FBXL17: variants seen among roughly 807,000 people sequenced by gnomAD.
FBXL17 encodes the protein F-box/LRR-repeat protein 17.
Under a neutral mutation model 66.2 loss-of-function variants are expected in FBXL17, and 22 were observed. That is an observed-to-expected ratio of 0.33 (90% CI 0.24 to 0.47). The LOEUF (loss-of-function observed/expected upper bound fraction) is 0.47, where lower values mean the gene tolerates loss of function less well. Among genes scored for constraint, FBXL17 ranks in the 20% least tolerant of loss-of-function variants. The pLI is 1.00. For missense variants in FBXL17, 878 were observed against 948.2 expected (o/e 0.93, Z 0.97); for synonymous variants, 474 against 400.5 (o/e 1.18, Z -2.19).
chr5:107,958,713 T>C (rs201207727), intron 7 of FBXL17, among the ~76,000 whole-genome samples: 2 of 152,200 alleles, frequency 1.3e-5, no homozygotes, highest in East Asian at 3.9e-4. Context: ...TTCCAGTCCC[T>C]GCCTTTTCCC....
chr5:108,060,862 T>C (rs1411591378), intron 6 of FBXL17, among the ~76,000 whole-genome samples: 1 of 152,098 alleles, frequency 6.6e-6, no homozygotes, highest in Non-Finnish European at 1.5e-5. Context: ...AAAGACGTTC[T>C]TAGTCCCCAT....
intron 4 of FBXL17, among the ~76,000 whole-genome samples, chr5:108,240,113 G>A (rs1030369290): frequency 1.3e-5 from 2 of 152,026 alleles, no homozygotes; most frequent in African/African-American, 2.4e-5. Flanking sequence ...CTGGCTTCAC[G>A]TGTGTCTCAG....
chr5:108,190,656 T>A (rs1753435108), intron 5 of FBXL17, among the ~76,000 whole-genome samples: 1 of 151,232 alleles, frequency 6.6e-6, no homozygotes, highest in Non-Finnish European at 1.5e-5. Flanking sequence ...GATAAAATGG[T>A]TTCACTGGTC....
chr5:108,128,559 T>C (rs751598593), intron 6 of FBXL17, among the ~76,000 whole-genome samples: 6 of 152,152 alleles, frequency 3.9e-5, no homozygotes, highest in African/African-American at 7.2e-5. Flanking sequence ...CTGGGGCACA[T>C]AGAAACTCTA....
At chr5:107,966,431 C>T (rs1752143484) in intron 7 of FBXL17, among the ~76,000 whole-genome samples, 1 of 141,704 alleles carries the variant, frequency 7.1e-6, no homozygotes, top group Non-Finnish European at 1.6e-5. Context: ...GTGGTGAGGT[C>T]ATTTGTCCAG....
chr5:107,972,945 C>T (rs1752427175), intron 7 of FBXL17, among the ~76,000 whole-genome samples: 1 of 152,180 alleles, frequency 6.6e-6, no homozygotes. Flanking sequence ...GCATGCTTTG[C>T]TAATAGCCAA....
intron 7 of FBXL17, among the ~76,000 whole-genome samples, chr5:107,946,045 T>A (rs1032551403): frequency 7.1e-4 from 108 of 151,614 alleles, no homozygotes; most frequent in African/African-American, 2.5e-3. Flanking sequence ...AATTAGAATT[T>A]ACCTTAAAGT....
chr5:107,989,167 T>G (rs1174038421), intron 7 of FBXL17, among the ~76,000 whole-genome samples: 2 of 152,118 alleles, frequency 1.3e-5, no homozygotes, highest in Non-Finnish European at 2.9e-5. Flanking sequence ...CTTCTGGCTA[T>G]TTTGAAATGC....
At chr5:107,893,971 C>T (rs1268475759) in intron 7 of FBXL17, among the ~76,000 whole-genome samples, 1 of 152,128 alleles carries the variant, frequency 6.6e-6, no homozygotes, top group Non-Finnish European at 1.5e-5. Flanking sequence ...GGAATTTGGA[C>T]ATAACATTAA....
chr5:108,051,969 C>A (rs1008490435), intron 6 of FBXL17, among the ~76,000 whole-genome samples: 5 of 151,764 alleles, frequency 3.3e-5, no homozygotes, highest in African/African-American at 1.2e-4. Context: ...AAAAACTAGC[C>A]GGGTCTGGTG....
chr5:108,235,417 T>A (rs1755556643), intron 4 of FBXL17, among the ~76,000 whole-genome samples: 1 of 152,194 alleles, frequency 6.6e-6, no homozygotes, highest in African/African-American at 2.4e-5. Context: ...ATATACATTG[T>A]GGTTATCTCT....
intron 6 of FBXL17, among the ~76,000 whole-genome samples, chr5:108,091,121 T>A (rs1432910201): frequency 1.3e-5 from 2 of 152,178 alleles, no homozygotes; most frequent in African/African-American, 4.8e-5. Context: ...AACAAAACCT[T>A]ACAACATACA....
At chr5:108,174,387 C>T (rs993113583) in intron 6 of FBXL17, among the ~76,000 whole-genome samples, 3 of 151,998 alleles carry the variant, frequency 2.0e-5, no homozygotes, top group African/African-American at 7.3e-5. Flanking sequence ...TCTTAATTGC[C>T]ACCATTTCAA....
At chr5:107,990,958 T>C (rs533336896) in intron 7 of FBXL17, among the ~76,000 whole-genome samples, 3 of 152,310 alleles carry the variant, frequency 2.0e-5, no homozygotes, top group Admixed American at 6.5e-5. Context: ...CTCAGAATGA[T>C]GCCAGGACCA....
chr5:107,920,424 T>A (rs1336417525), intron 7 of FBXL17, among the ~76,000 whole-genome samples: 2 of 152,142 alleles, frequency 1.3e-5, no homozygotes, highest in Admixed American at 1.3e-4. Context: ...AGGATGTGAA[T>A]CTTAGTATAG....
In FBXL17 at chr5:108,380,972, G is replaced by A. The variant is rs1580938330; in HGVS notation, c.720C>T (p.Pro240=). The A allele has an allele frequency of 8.2e-7, 1 of 1,218,564 alleles. No homozygotes were observed. The highest frequency in any genetic ancestry group is 1.6e-5 in the African/African-American group (1 of 63,802). 75.5% of individuals were successfully genotyped at this position (1,218,564 alleles called of 1,614,324 possible). Residue 240 remains proline, a synonymous_variant, in exon 1 of 9, where the codon CCC becomes CCT. Transcript: ENST00000542267. The part of the protein sequence containing the change: ...GGPAGGGASP[P]RPPDAGCCQA... ...GGCAGCAGCCGGCGTCGGGGGGCCG[G>A]GGCGGCGAAGCGCCTCCCCCCGCAG...
At chr5:108,005,083 T>C (rs1165716748) in intron 7 of FBXL17, among the ~76,000 whole-genome samples, 1 of 148,168 alleles carries the variant, frequency 6.7e-6, no homozygotes, top group Non-Finnish European at 1.5e-5. Context: ...GAGTGTCAAA[T>C]TTTCAATGAC....
rs55900474 is a variant in FBXL17 at position 107,999,452 on chromosome 5, AACACAC to A, written c.1822+21467_1822+21472del. On this transcript the variant is annotated intron_variant, in intron 7 of 8. Transcript: ENST00000542267. ...CTTTTTTTTTTTTACTTTTGTCAGA[AACACAC>A]ACACACACACACACACACACACACA... 5.5e-3 allele frequency among the ~76,000 whole-genome samples: 788 copies of A among 144,508 alleles called. 5 individuals carry two copies. Among genetic ancestry groups the A allele is most frequent in the African/African-American group, 0.014 (567 of 39,310 alleles). 94.8% of individuals were successfully genotyped at this position (144,508 alleles called of 152,430 possible).
intron 6 of FBXL17, among the ~76,000 whole-genome samples, chr5:108,136,511 A>T (rs576662009): frequency 6.6e-6 from 1 of 152,290 alleles, no homozygotes; most frequent in South Asian, 2.1e-4. Flanking sequence ...TTGCTCAGTC[A>T]AGCAATATGA....
Sources: allele counts gnomAD v4.1 joint callset (sites outside exome capture counted in the v4.1 genomes callset), GRCh38; gene constraint gnomAD v4.1.1; transcripts MANE v1.5; gene names NCBI Gene and HGNC (gene_info 2026-07-23, HGNC 2026-07-21).